Variants in DPP10 observed in about 807,000 individuals in gnomAD.
DPP10 encodes the protein inactive dipeptidyl peptidase 10.
A neutral mutation model predicts 120.9 loss-of-function variants in DPP10; 33 were observed. The ratio of observed to expected loss-of-function variants is 0.27; its 90% confidence interval spans 0.21 to 0.37. DPP10 has a LOEUF of 0.37. Among genes scored for constraint, DPP10 ranks in the 10% least tolerant of loss-of-function variants. The pLI is 1.00. For missense variants in DPP10, 816 were observed against 942.8 expected (o/e 0.87, Z 1.76); for synonymous variants, 337 against 326.1 (o/e 1.03, Z -0.36).
chr2:114,973,433 G>A (rs952858663), intron 1 of DPP10, among the ~76,000 whole-genome samples: 3 of 151,766 alleles, frequency 2.0e-5, no homozygotes, highest in South Asian at 2.1e-4. Context: ...AGGACGAGGC[G>A]GGTGGATCAC....
chr2:115,283,499 C>G (rs2060242584), intron 1 of DPP10, among the ~76,000 whole-genome samples: 1 of 151,866 alleles, frequency 6.6e-6, no homozygotes, highest in Admixed American at 6.6e-5. Context: ...AAATAAGCAG[C>G]CATTCTTGAT....
intron 1 of DPP10, among the ~76,000 whole-genome samples, chr2:115,244,239 TAGAGAGAGAGAG>T (rs67598156): frequency 0.042 from 3,896 of 93,322 alleles, 82 homozygotes; most frequent in East Asian, 0.09. Flanking sequence ...TATATATATA[TAGAGAGAGAGAG>T]AGAGAGAGAG....
intron 7 of DPP10, among the ~76,000 whole-genome samples, chr2:115,716,833 A>C (rs1161800540): frequency 6.6e-6 from 1 of 152,170 alleles, no homozygotes; most frequent in African/African-American, 2.4e-5. Flanking sequence ...AACCAAGCCT[A>C]GTCCCACCTT....
chr2:114,718,804 T>G (rs1701521786), intron 1 of DPP10, among the ~76,000 whole-genome samples: 1 of 152,222 alleles, frequency 6.6e-6, no homozygotes, highest in Non-Finnish European at 1.5e-5. Context: ...GGAGGTACCA[T>G]AATTCAACTC....
At chr2:115,714,242 T>G (rs1443208447) in intron 7 of DPP10, among the ~76,000 whole-genome samples, 1 of 152,210 alleles carries the variant, frequency 6.6e-6, no homozygotes, top group Non-Finnish European at 1.5e-5. Flanking sequence ...TGAGATATCC[T>G]TTTACCTTAA....
intron 3 of DPP10, among the ~76,000 whole-genome samples, chr2:115,408,986 A>C (rs2068735160): frequency 1.3e-5 from 2 of 152,126 alleles, no homozygotes; most frequent in African/African-American, 4.8e-5. Flanking sequence ...AAGAAAGTAG[A>C]AAAGGAGAAA....
At chr2:115,192,062 G>A (rs1354838827) in intron 1 of DPP10, among the ~76,000 whole-genome samples, 2 of 152,170 alleles carry the variant, frequency 1.3e-5, no homozygotes, top group Admixed American at 6.6e-5. Flanking sequence ...ATGAAGGTGG[G>A]TGCCAGGGAT....
intron 4 of DPP10, among the ~76,000 whole-genome samples, chr2:115,503,595 T>C (rs2076795226): frequency 6.6e-6 from 1 of 152,158 alleles, no homozygotes; most frequent in Non-Finnish European, 1.5e-5. Flanking sequence ...CCAATAGTAA[T>C]GGATGATTTG....
chr2:115,429,441 G>T (rs188431189), intron 3 of DPP10, among the ~76,000 whole-genome samples: 1 of 152,126 alleles, frequency 6.6e-6, no homozygotes, highest in Admixed American at 6.5e-5. Flanking sequence ...GTGGTAATGA[G>T]GTTTAAAAAT....
At chr2:114,635,287 A>G (rs1395766184) in intron 1 of DPP10, among the ~76,000 whole-genome samples, 1 of 151,898 alleles carries the variant, frequency 6.6e-6, no homozygotes, top group East Asian at 1.9e-4. Flanking sequence ...GACACCCATT[A>G]CATTCATGGA....
intron 1 of DPP10, among the ~76,000 whole-genome samples, chr2:114,818,719 G>A (rs971261366): frequency 6.6e-6 from 1 of 152,030 alleles, no homozygotes. Flanking sequence ...GACATCTGCT[G>A]GAATGAATAT....
At chr2:114,500,022 CT>C (rs938820398) in intron 1 of DPP10, among the ~76,000 whole-genome samples, 7 of 152,238 alleles carry the variant, frequency 4.6e-5, no homozygotes, top group African/African-American at 1.7e-4. Flanking sequence ...GGCCCCTCTC[CT>C]TTCTGCCAGC....
chr2:115,623,730 G>GAC (rs1481205856), intron 5 of DPP10, among the ~76,000 whole-genome samples: 1 of 152,126 alleles, frequency 6.6e-6, no homozygotes, highest in Non-Finnish European at 1.5e-5. Context: ...CTGAGGAGGA[G>GAC]ACTCTCCTCT....
intron 1 of DPP10, among the ~76,000 whole-genome samples, chr2:114,480,941 G>T (rs1680985014): frequency 2.0e-5 from 3 of 151,382 alleles, no homozygotes; most frequent in Non-Finnish European, 4.4e-5. Context: ...CAAAAAAGGA[G>T]CCTCTACTTA....
At chr2:114,998,576 G>A (rs527866662) in intron 1 of DPP10, among the ~76,000 whole-genome samples, 1 of 152,260 alleles carries the variant, frequency 6.6e-6, no homozygotes, top group South Asian at 2.1e-4. Flanking sequence ...CTCTGTCCTT[G>A]TGTTTCTTAT....
At chr2:115,165,569 T>C (rs1484352110) in intron 1 of DPP10, among the ~76,000 whole-genome samples, 1 of 152,248 alleles carries the variant, frequency 6.6e-6, no homozygotes, top group Non-Finnish European at 1.5e-5. Context: ...AAGAACAAGA[T>C]AGATCCTCAT....
chr2:114,668,615 A>G (rs1169251383), intron 1 of DPP10, among the ~76,000 whole-genome samples: 1 of 152,096 alleles, frequency 6.6e-6, no homozygotes, highest in Non-Finnish European at 1.5e-5. Flanking sequence ...TTAAACCCAC[A>G]CTCAGCAAAA....
chr2:115,293,687 C>T (rs1190892869), intron 1 of DPP10, among the ~76,000 whole-genome samples: 1 of 151,814 alleles, frequency 6.6e-6, no homozygotes. Flanking sequence ...AGTGGAAAGA[C>T]AGGCAGTATG....
Position 115,454,179 on chromosome 2 carries a change from A to G in DPP10, c.272-45331A>G, listed in dbSNP as rs545998871. Among the ~76,000 whole-genome samples, 6 of 151,716 alleles carry G rather than the reference A, an allele frequency of 4.0e-5. No individual in the cohort carries two copies. In the South Asian group the frequency reaches 6.2e-4, roughly 16 times the overall value. ...AGTAGTAATCTTTCCTACTGGTACCAGTAGGAACCATAAAAATGTATTTTA... is the reference window on the plus strand; with the variant it reads ...AGTAGTAATCTTTCCTACTGGTACCGGTAGGAACCATAAAAATGTATTTTA... On this transcript the variant is annotated intron_variant, in intron 3 of 25. Coordinates refer to ENST00000410059, the MANE Select transcript of DPP10 (RefSeq NM_020868.6).
Sources: allele counts gnomAD v4.1 joint callset (sites outside exome capture counted in the v4.1 genomes callset), GRCh38; gene constraint gnomAD v4.1.1; transcripts MANE v1.5; gene names NCBI Gene and HGNC (gene_info 2026-07-23, HGNC 2026-07-21).